The following SGCZ variants were observed in gnomAD, a reference collection of about 807,000 sequenced individuals.
SGCZ encodes the protein sarcoglycan zeta.
Under a neutral mutation model 41.3 loss-of-function variants are expected in SGCZ, and 40 were observed. That is an observed-to-expected ratio of 0.97 (90% CI 0.75 to 1.26). The LOEUF (loss-of-function observed/expected upper bound fraction) is 1.26. Among genes scored for constraint, SGCZ ranks in the 50% most tolerant of loss-of-function variants. The probability of loss-of-function intolerance (pLI) is 0.00; values close to 1 mark genes in which losing one functional copy is unlikely to be tolerated. For synonymous variants in SGCZ, 206 were observed against 137.5 expected, an observed-to-expected ratio of 1.50 and a Z score of -3.49; for missense variants, 552 against 369.8, an observed-to-expected ratio of 1.49 and a Z score of -4.04.
intron 1 of SGCZ, among the ~76,000 whole-genome samples, chr8:14,896,082 T>C (rs1433368188): frequency 1.3e-5 from 2 of 152,320 alleles, no homozygotes; most frequent in East Asian, 1.9e-4. Context: ...TTACAGGTCA[T>C]TAAAATCAAC....
chr8:14,708,810 C>CGA (rs1809413918), intron 1 of SGCZ, among the ~76,000 whole-genome samples: 2 of 62,552 alleles, frequency 3.2e-5, no homozygotes, highest in South Asian at 1.5e-3. Flanking sequence ...ATGTTTTATT[C>CGA]GAGTGTGTGT....
chr8:14,776,089 A>C (rs562161029), intron 1 of SGCZ, among the ~76,000 whole-genome samples: 1 of 152,348 alleles, frequency 6.6e-6, no homozygotes, highest in South Asian at 2.1e-4. Flanking sequence ...TGATACTGGA[A>C]GAGAAAAAAG....
chr8:14,543,026 A>T (rs1421949812), intron 2 of SGCZ, among the ~76,000 whole-genome samples: 2 of 151,942 alleles, frequency 1.3e-5, no homozygotes, highest in African/African-American at 2.4e-5. Flanking sequence ...AAACTGAGCT[A>T]TTACACTCTG....
chr8:15,146,160 T>C (rs574298130), intron 1 of SGCZ, among the ~76,000 whole-genome samples: 3 of 151,746 alleles, frequency 2.0e-5, no homozygotes, highest in African/African-American at 7.3e-5. Context: ...TTGAAATAAA[T>C]AGTAACTCCA....
chr8:15,067,363 G>A (rs1210964582), intron 1 of SGCZ, among the ~76,000 whole-genome samples: 2 of 152,128 alleles, frequency 1.3e-5, no homozygotes, highest in Non-Finnish European at 2.9e-5. Context: ...ATGTGTTTTA[G>A]AACTAGAAGA....
intron 2 of SGCZ, among the ~76,000 whole-genome samples, chr8:14,345,857 T>C (rs1255278803): frequency 1.3e-5 from 2 of 152,088 alleles, no homozygotes; most frequent in African/African-American, 4.8e-5. Context: ...CTCTGAACTA[T>C]ATGACATTCT....
At chr8:14,390,845 T>C (rs1804746099) in intron 2 of SGCZ, among the ~76,000 whole-genome samples, 1 of 152,060 alleles carries the variant, frequency 6.6e-6, no homozygotes, top group Non-Finnish European at 1.5e-5. Flanking sequence ...GAGATATTGA[T>C]TAACTTTAAA....
rs867955819 is a variant in SGCZ at position 15,191,848 on chromosome 8, A to C, written c.39+45737T>G. ...ATACAAAATGACTCTAAAATATTAA[A>C]GGTAAAACAACCCAGAAGAAAAATA... On this transcript the variant is annotated intron_variant, in intron 1 of 7. Coordinates refer to ENST00000382080, the MANE Select transcript of SGCZ (RefSeq NM_139167.4). 1.8e-4 allele frequency among the ~76,000 whole-genome samples: 27 copies of C among 152,202 alleles called. 1 individual carries two copies. The highest frequency in any genetic ancestry group is 6.0e-4 in the African/African-American group (25 of 41,492).
chr8:14,198,852 C>T (rs933177646), intron 4 of SGCZ, among the ~76,000 whole-genome samples: 2 of 152,168 alleles, frequency 1.3e-5, no homozygotes, highest in Admixed American at 1.3e-4. Context: ...ATTTAATGGA[C>T]ACTTATCACT....
chr8:15,086,553 T>C lies in SGCZ; in HGVS notation c.39+151032A>G, dbSNP rs75967488. Among the ~76,000 whole-genome samples, 696 of 152,324 alleles carry C rather than the reference T, an allele frequency of 4.6e-3. 7 individuals are homozygous for C. Among genetic ancestry groups the C allele is most frequent in the African/African-American group, 0.016 (663 of 41,582 alleles). On this transcript the variant is annotated intron_variant, in intron 1 of 7. Transcript: ENST00000382080. ...ACAATGCAATATTTGAAGTGATAGA[T>C]CAGCTAATTGACCTGACTTGATCAT...
chr8:14,248,307 C>T (rs1346274), intron 3 of SGCZ, among the ~76,000 whole-genome samples: 101,530 of 152,058 alleles, frequency 0.67, 34,300 homozygotes, highest in South Asian at 0.78. Context: ...TTTGAAACTA[C>T]TGGCTACCAT....
At chr8:15,142,543 A>C (rs1431649678) in intron 1 of SGCZ, among the ~76,000 whole-genome samples, 1 of 152,114 alleles carries the variant, frequency 6.6e-6, no homozygotes, top group African/African-American at 2.4e-5. Flanking sequence ...CACAGAGCAC[A>C]CTACTAACCC....
intron 2 of SGCZ, among the ~76,000 whole-genome samples, chr8:14,351,794 C>T (rs1356547125): frequency 6.6e-6 from 1 of 151,998 alleles, no homozygotes; most frequent in Non-Finnish European, 1.5e-5. Flanking sequence ...AACTATTTGG[C>T]AAATGGGTCT....
chr8:15,041,438 T>G (rs1017411661), intron 1 of SGCZ, among the ~76,000 whole-genome samples: 1 of 152,070 alleles, frequency 6.6e-6, no homozygotes, highest in Admixed American at 6.6e-5. Context: ...TAAAGATGAA[T>G]ATTATTTCAT....
intron 1 of SGCZ, among the ~76,000 whole-genome samples, chr8:14,909,181 T>C (rs1025904421): frequency 6.6e-6 from 1 of 152,212 alleles, no homozygotes; most frequent in African/African-American, 2.4e-5. Flanking sequence ...TCAATTACTA[T>C]AATTTTCAAT....
At chr8:14,272,095 C>T (rs1240695995) in intron 3 of SGCZ, among the ~76,000 whole-genome samples, 1 of 152,128 alleles carries the variant, frequency 6.6e-6, no homozygotes, top group African/African-American at 2.4e-5. Context: ...ACTCTGCCTC[C>T]CAGGTTCAAG....
chr8:14,987,214 T>C (rs925478699), intron 1 of SGCZ, among the ~76,000 whole-genome samples: 1 of 151,874 alleles, frequency 6.6e-6, no homozygotes, highest in African/African-American at 2.4e-5. Context: ...CACCAAAAAG[T>C]ACATTATAGA....
intron 1 of SGCZ, among the ~76,000 whole-genome samples, chr8:14,907,150 G>A (rs189083998): frequency 6.6e-6 from 1 of 152,168 alleles, no homozygotes; most frequent in Admixed American, 6.5e-5. Flanking sequence ...GCACCTCTGT[G>A]ATACAGTCTA....
At chr8:14,363,456 C>T (rs941715122) in intron 2 of SGCZ, among the ~76,000 whole-genome samples, 5 of 152,122 alleles carry the variant, frequency 3.3e-5, no homozygotes, top group Middle Eastern at 3.4e-3. Flanking sequence ...GTTTTATGCC[C>T]GTAGGTAATA....
Sources: allele counts gnomAD v4.1 joint callset (sites outside exome capture counted in the v4.1 genomes callset), GRCh38; gene constraint gnomAD v4.1.1; transcripts MANE v1.5; gene names NCBI Gene and HGNC (gene_info 2026-07-23, HGNC 2026-07-21).